The following UNC5B variants were observed in gnomAD, a reference collection of about 807,000 sequenced individuals.
UNC5B encodes the protein unc-5 netrin receptor B, also known as netrin receptor UNC5B.
Under a neutral mutation model 103.7 loss-of-function variants are expected in UNC5B, and 56 were observed. That is an observed-to-expected ratio of 0.54 (90% CI 0.44 to 0.67). The LOEUF (loss-of-function observed/expected upper bound fraction) is 0.67, where lower values mean the gene tolerates loss of function less well. Among genes scored for constraint, UNC5B ranks in the 30% least tolerant of loss-of-function variants. The pLI is 0.00. For synonymous variants in UNC5B, 577 were observed against 542.0 expected (o/e 1.06, Z -0.90); for missense variants, 1,194 against 1,284.5 (o/e 0.93, Z 1.08).
At chr10:71,291,943 G>A in intron 10 of UNC5B, 122 bp downstream of exon 10, 1 of 1,377,208 alleles carries the variant, frequency 7.3e-7, no homozygotes, top group Non-Finnish European at 9.6e-7. Context: ...GGGAAAGGGA[G>A]GCCTGAAGGC....
chr10:71,299,495 T>G lies in UNC5B; in HGVS notation c.*218T>G. 8 of 502,060 alleles carry G rather than the reference T, an allele frequency of 1.6e-5. No individual in the cohort carries two copies. The highest frequency in any genetic ancestry group is 2.6e-5 in the South Asian group (1 of 39,162). 31.1% of individuals were successfully genotyped at this position (502,060 alleles called of 1,614,324 possible). ...CCCAGAGTTCCTTCTCCACCCCCGCTCTCTCTCTCTTGGCCTGAGATCTCT... is the reference window on the plus strand; with the variant it reads ...CCCAGAGTTCCTTCTCCACCCCCGCGCTCTCTCTCTTGGCCTGAGATCTCT... On this transcript the variant is annotated 3_prime_UTR_variant, in exon 17 of 17. Coordinates refer to ENST00000335350, the MANE Select transcript of UNC5B (RefSeq NM_170744.5).
chr10:71,234,967 C>G (rs867829710), intron 1 of UNC5B, among the ~76,000 whole-genome samples: 1 of 152,204 alleles, frequency 6.6e-6, no homozygotes, highest in African/African-American at 2.4e-5. Context: ...TAGATTCCCA[C>G]TGGTCTCCTG....
At chr10:71,257,977 A>G (rs913349607) in intron 1 of UNC5B, among the ~76,000 whole-genome samples, 6 of 152,224 alleles carry the variant, frequency 3.9e-5, no homozygotes, top group Non-Finnish European at 7.3e-5. Flanking sequence ...GGGGAAACAG[A>G]GGCCAGAGGC....
In UNC5B at chr10:71,288,997, C is replaced by A; in HGVS notation, c.1099+7C>A. On this transcript the variant is annotated splice_region_variant and intron_variant, in intron 8 of 16. Transcript: ENST00000335350. The stretch of plus-strand genomic sequence containing the variant: ...AGCGACCCCAACAGCCACCGTAAGT[C>A]CCATTTCATGGCTGTCCTCTTTCCT... The A allele has an allele frequency of 1.2e-6, 2 of 1,614,228 alleles. No individual in the cohort carries two copies. The highest frequency in any genetic ancestry group is 1.7e-6 in the Non-Finnish European group (2 of 1,180,026).
chr10:71,279,856 T>G lies in UNC5B; in HGVS notation c.115T>G (p.Phe39Val), dbSNP rs762704678. The G allele has an allele frequency of 2.5e-6, 4 of 1,613,852 alleles. No individual in the cohort carries two copies. The highest frequency in any genetic ancestry group is 3.4e-6 in the Non-Finnish European group (4 of 1,179,886). ...DSGSEVLPDS[F>V]PSAPAEPLPY... ...TGGCAGCGAGGTGCTCCCTGACTCC[T>G]TCCCGTCAGCGCCAGCAGAGCCGCT... is the stretch of plus-strand genomic sequence containing the variant. The change falls in exon 2 of 17, where the codon TTC becomes GTC. Residue 39 changes from phenylalanine to valine, a missense_variant. Transcript: ENST00000335350.
intron 1 of UNC5B, among the ~76,000 whole-genome samples, chr10:71,267,131 G>C (rs2132286638): frequency 6.6e-6 from 1 of 152,318 alleles, no homozygotes. Context: ...AGTGCATAGG[G>C]CTGCCCAGCT....
In UNC5B at chr10:71,301,317, T is replaced by C. The variant is rs183581683; in HGVS notation, c.*2040T>C. On this transcript the variant is annotated 3_prime_UTR_variant, in exon 17 of 17. Coordinates refer to ENST00000335350, the MANE Select transcript of UNC5B (RefSeq NM_170744.5). ...GCTTCTTACCACCCACCAGCCCCGCTGGGGTGCGGCCTGGCTGTGGGCAAA... is the reference window on the plus strand; with the variant it reads ...GCTTCTTACCACCCACCAGCCCCGCCGGGGTGCGGCCTGGCTGTGGGCAAA... The C allele has an allele frequency of 3.9e-5, 6 of 152,220 alleles. No homozygotes were observed. Among genetic ancestry groups the C allele is most frequent in the African/African-American group, 1.2e-4 (5 of 41,534 alleles). 9.4% of individuals were successfully genotyped at this position (152,220 alleles called of 1,614,324 possible).
intron 1 of UNC5B, among the ~76,000 whole-genome samples, chr10:71,249,513 C>T (rs1377940910): frequency 1.3e-5 from 2 of 152,188 alleles, no homozygotes; most frequent in East Asian, 1.9e-4. Flanking sequence ...TTCTGTGGAA[C>T]GCACCTTGCA....
chr10:71,270,735 G>C lies in UNC5B; in HGVS notation c.80-9086G>C, dbSNP rs137963542. Among the ~76,000 whole-genome samples, 707 of 152,244 alleles carry C rather than the reference G, an allele frequency of 4.6e-3. 3 individuals are homozygous for C. Among genetic ancestry groups the C allele is most frequent in the Middle Eastern group, 0.031 (9 of 294 alleles). ...GGGGTGAAGGAAAGGGAGCCACCAG[G>C]CATCCTCCCAGATGGGACCTGAACA... On this transcript the variant is annotated intron_variant, in intron 1 of 16. Transcript: ENST00000335350.
At chr10:71,230,551 G>GC (rs1292938632) in intron 1 of UNC5B, among the ~76,000 whole-genome samples, 22 of 152,338 alleles carry the variant, frequency 1.4e-4, no homozygotes, top group African/African-American at 3.6e-4. Flanking sequence ...CCTTCTCTCT[G>GC]CCCTCCCCAC....
chr10:71,251,508 AT>A (rs1844171382), intron 1 of UNC5B, among the ~76,000 whole-genome samples: 1 of 152,144 alleles, frequency 6.6e-6, no homozygotes, highest in African/African-American at 2.4e-5. Flanking sequence ...TGCAAGAGCG[AT>A]TTTCCATTTG....
intron 4 of UNC5B, 28 bp downstream of exon 4, chr10:71,285,457 C>G: frequency 6.5e-7 from 1 of 1,546,378 alleles, no homozygotes; most frequent in Non-Finnish European, 8.7e-7. Flanking sequence ...GACCACTGAG[C>G]ACGGCCCTGT....
At chr10:71,289,055 T>G in intron 8 of UNC5B, 65 bp downstream of exon 8, 2 of 1,612,332 alleles carry the variant, frequency 1.2e-6, no homozygotes, top group Non-Finnish European at 1.7e-6. Context: ...TGGCTGGCTT[T>G]TCCCGGGATC....
At chr10:71,279,687 C>T (rs1038843048) in intron 1 of UNC5B, 134 bp from the exon 2 acceptor site, 23 of 930,758 alleles carry the variant, frequency 2.5e-5, no homozygotes, top group Non-Finnish European at 3.5e-5. Flanking sequence ...AGATTACGTC[C>T]CCAGGAGGGC....
intron 11 of UNC5B, among the ~76,000 whole-genome samples, chr10:71,293,188 A>G (rs1195159266): frequency 6.6e-6 from 1 of 152,140 alleles, no homozygotes; most frequent in South Asian, 2.1e-4. Flanking sequence ...AGCTATGATA[A>G]TGTTGCAGTG....
At chr10:71,222,121 G>A (rs1263429254) in intron 1 of UNC5B, among the ~76,000 whole-genome samples, 2 of 152,202 alleles carry the variant, frequency 1.3e-5, no homozygotes, top group African/African-American at 4.8e-5. Flanking sequence ...CTGGAAGAGG[G>A]AAGGTTTGCA....
At chr10:71,238,229 G>A (rs963780483) in intron 1 of UNC5B, among the ~76,000 whole-genome samples, 18 of 152,152 alleles carry the variant, frequency 1.2e-4, no homozygotes, top group Admixed American at 5.9e-4. Context: ...GGGGTTGCTC[G>A]AAGACCTCAG....
chr10:71,290,851 G>A (rs1192968781), intron 8 of UNC5B, 64 bp from the exon 9 acceptor site: 28 of 1,528,488 alleles, frequency 1.8e-5, no homozygotes, highest in Non-Finnish European at 2.2e-5. Context: ...GGGACCCAGG[G>A]CCTCCCTGAT....
chr10:71,254,769 T>C (rs989818244), intron 1 of UNC5B, among the ~76,000 whole-genome samples: 1 of 152,192 alleles, frequency 6.6e-6, no homozygotes, highest in Non-Finnish European at 1.5e-5. Context: ...GTGGTGAGCC[T>C]CCACCATTGG....
Sources: gnomAD v4.1 joint callset for allele counts (sites outside exome capture counted in the v4.1 genomes callset) on GRCh38, gnomAD v4.1.1 for gene constraint, MANE v1.5 for transcripts, NCBI Gene and HGNC (gene_info 2026-07-23, HGNC 2026-07-21) for gene names.